Variants in TIAM2 observed in about 807,000 individuals in gnomAD.
TIAM2 encodes the protein rho guanine nucleotide exchange factor TIAM2.
In TIAM2, 80 loss-of-function variants were observed where a neutral mutation model predicts 152.9. That is an observed-to-expected ratio of 0.52 (90% CI 0.44 to 0.63). The LOEUF is 0.63. Among genes scored for constraint, TIAM2 ranks in the 30% least tolerant of loss-of-function variants. The pLI, the probability that TIAM2 is intolerant of heterozygous loss-of-function variation, is 0.00. For synonymous variants in TIAM2, 804 were observed against 838.0 expected (o/e 0.96, Z 0.70); for missense variants, 1,965 against 2,120.1 (o/e 0.93, Z 1.44).
chr6:155,056,598 C>T (rs1321575423), intron 1 of TIAM2, among the ~76,000 whole-genome samples: 2 of 149,814 alleles, frequency 1.3e-5, no homozygotes, highest in African/African-American at 2.5e-5. Flanking sequence ...TATAATGATA[C>T]CATTCATTTA....
chr6:155,117,458 CT>C (rs942076903), intron 2 of TIAM2, among the ~76,000 whole-genome samples: 11 of 152,166 alleles, frequency 7.2e-5, no homozygotes, highest in African/African-American at 2.7e-4. Flanking sequence ...TCTCTTCCCC[CT>C]GTAGACGGAG....
At chr6:155,169,462 T>C (rs1780524792) in intron 9 of TIAM2, among the ~76,000 whole-genome samples, 1 of 152,246 alleles carries the variant, frequency 6.6e-6, no homozygotes, top group Admixed American at 6.5e-5. Context: ...TTAAAATTAG[T>C]GACATGACTA....
intron 7 of TIAM2, among the ~76,000 whole-genome samples, chr6:155,149,739 G>A (rs1257147138): frequency 1.3e-5 from 2 of 151,812 alleles, no homozygotes; most frequent in East Asian, 3.9e-4. Context: ...CCTGGCCAAC[G>A]TGGTGAAACC....
At chr6:155,193,712 T>C (rs1181285384) in intron 14 of TIAM2, among the ~76,000 whole-genome samples, 1 of 152,210 alleles carries the variant, frequency 6.6e-6, no homozygotes, top group African/African-American at 2.4e-5. Flanking sequence ...CCTGAACATG[T>C]TCCAAGGGTG....
intron 4 of TIAM2, among the ~76,000 whole-genome samples, 171 bp downstream of exon 4, chr6:155,130,588 C>T (rs11967850): frequency 0.31 from 47,473 of 152,052 alleles, 9,023 homozygotes; most frequent in African/African-American, 0.53. Context: ...TGGGTTTGTT[C>T]TCTCTTTTGC....
At chr6:155,029,742 C>CTATATATATATATATA (rs60980296) in intron 1 of TIAM2, among the ~76,000 whole-genome samples, 2 of 126,584 alleles carry the variant, frequency 1.6e-5, no homozygotes, top group African/African-American at 6.1e-5. Context: ...TAGTATATAA[C>CTATATATATATATATA]TATATATATA....
chr6:155,170,861 T>C (rs1412195946), intron 9 of TIAM2, among the ~76,000 whole-genome samples: 1 of 152,178 alleles, frequency 6.6e-6, no homozygotes, highest in African/African-American at 2.4e-5. Context: ...ATTCCTTTCA[T>C]TTATAGGACA....
rs1347776058 is a variant in TIAM2, at chr6:155,130,320, T to A, written c.1097T>A (p.Phe366Tyr). The A allele has an allele frequency of 6.2e-7, 1 of 1,614,038 alleles. No homozygotes were observed. Residue 366 changes from phenylalanine to tyrosine, a missense_variant, in exon 4 of 27, where the codon TTT becomes TAT. Transcript: ENST00000682666. ...FTLPCRKPKA[F>Y]VEDTAKKDSL... is the part of the protein sequence containing the mutation. ...CTCCCCTGTCGGAAGCCCAAAGCCT[T>A]TGTTGAGGATACTGCGAAGAAGGAC...
chr6:155,130,983 G>C lies in TIAM2; in HGVS notation c.1194+566G>C, dbSNP rs1003229922. ...AGGCCTCAACATGGATTTTGGGGAGGGGGGAAACAAATGTTCAGTCAATAG... is the reference window on the plus strand; with the variant it reads ...AGGCCTCAACATGGATTTTGGGGAGCGGGGAAACAAATGTTCAGTCAATAG... On this transcript the variant is annotated intron_variant, in intron 4 of 26. Transcript: ENST00000682666. 2.6e-5 allele frequency among the ~76,000 whole-genome samples: 4 copies of C among 152,144 alleles called. 1 individual carries two copies. The highest frequency in any genetic ancestry group is 2.6e-4 in the Admixed American group (4 of 15,258).
chr6:155,143,811 A>G (rs1297267522), intron 5 of TIAM2, among the ~76,000 whole-genome samples: 1 of 152,104 alleles, frequency 6.6e-6, no homozygotes, highest in Non-Finnish European at 1.5e-5. Flanking sequence ...TCGATCTCTC[A>G]GTTTTCTCAT....
intron 1 of TIAM2, among the ~76,000 whole-genome samples, chr6:155,062,064 T>C (rs11156008): frequency 0.57 from 83,190 of 145,520 alleles, 24,327 homozygotes; most frequent in African/African-American, 0.69. Flanking sequence ...TGGCTTACCC[T>C]CGCCACCGCC....
rs576164409 is a variant in TIAM2, at chr6:155,025,338, C to T, written c.-209+29846C>T. 3.5e-4 allele frequency among the ~76,000 whole-genome samples: 53 copies of T among 152,138 alleles called. No homozygotes were observed. In the Middle Eastern group the frequency reaches 0.01, roughly 29 times the overall value. On this transcript the variant is annotated intron_variant, in intron 1 of 26. Transcript: ENST00000682666. ...CCTCCTGAGTAGCTGGGACTACAGG[C>T]GCCTGCCACCACGCCCGGCTAATTT...
rs1784084256 is a variant in TIAM2 at position 155,256,899 on chromosome 6, C to T, written c.4884C>T (p.Val1628=). ...AAGGAGGAGAGCAGCCCAAACTGGT[C>T]CGGGGGCACTTCTGCCCCATTAAAC... is the stretch of plus-strand genomic sequence containing the variant. ...GQKGGEQPKL[V]RGHFCPIKRK... is the part of the protein sequence containing the mutation. The change falls in exon 27 of 27, where the codon GTC becomes GTT. Residue 1628 remains valine (V), a synonymous_variant. Transcript: ENST00000682666. 3 of 1,614,074 alleles carry T rather than the reference C, an allele frequency of 1.9e-6. No individual in the cohort carries two copies.
chr6:155,069,911 C>CTTTTTTTT (rs36093906), intron 1 of TIAM2, among the ~76,000 whole-genome samples: 1 of 125,650 alleles, frequency 8.0e-6, no homozygotes, highest in Non-Finnish European at 1.7e-5. Context: ...CATTTCTTTT[C>CTTTTTTTT]TTTTTTTTTT....
In TIAM2 at chr6:155,027,867, CTA is replaced by C. The variant is rs199656860; in HGVS notation, c.-209+32380_-209+32381del. On this transcript the variant is annotated intron_variant, in intron 1 of 26. Transcript: ENST00000682666. ...TATAATATATGTACTGTGTTATATACTATATAATATATGTACTGTGTTACATA... is the reference window on the plus strand; with the variant it reads ...TATAATATATGTACTGTGTTATATACTATAATATATGTACTGTGTTACATA... 3.5e-5 allele frequency among the ~76,000 whole-genome samples: 3 copies of C among 86,408 alleles called. No individual in the cohort carries two copies. The East Asian group carries it at 8.3e-4, about 24-fold the overall frequency. The allele number at this position is 86,408 out of a possible 152,430, so 56.7% of individuals were successfully genotyped here.
intron 1 of TIAM2, among the ~76,000 whole-genome samples, chr6:155,071,168 AG>A (rs1443257937): frequency 1.6e-5 from 2 of 127,012 alleles, no homozygotes; most frequent in Non-Finnish European, 3.4e-5. Context: ...AATGAGACTC[AG>A]TGTCAAAAAA....
Position 155,183,464 on chromosome 6 carries a change from G to A in TIAM2, c.3028G>A (p.Glu1010Lys). ...TCCTAACCAGTCCCAACTGCTGGAG[G>A]AATTCCTGGATAACTTTAAAAAGAA... is the stretch of plus-strand genomic sequence containing the variant. ...PPPNQSQLLE[E>K]FLDNFKKNTA... Residue 1010 changes from glutamate (E) to lysine (K), a missense_variant, in exon 14 of 27, where the codon GAA becomes AAA. Transcript: ENST00000682666. 2.5e-6 allele frequency: 4 copies of A among 1,613,604 alleles called. No individual in the cohort carries two copies. Among genetic ancestry groups the A allele is most frequent in the South Asian group, 2.2e-5 (2 of 90,988 alleles).
chr6:155,096,981 G>T (rs1053509614), intron 2 of TIAM2, among the ~76,000 whole-genome samples: 1 of 152,146 alleles, frequency 6.6e-6, no homozygotes, highest in Admixed American at 6.5e-5. Context: ...GTGTACAAGG[G>T]TTTCCCTTTC....
At chr6:155,222,097 G>A (rs1782065891) in intron 15 of TIAM2, among the ~76,000 whole-genome samples, 1 of 151,904 alleles carries the variant, frequency 6.6e-6, no homozygotes, top group South Asian at 2.1e-4. Flanking sequence ...GGGACCACAG[G>A]TGCACGCCAC....
Sources: gnomAD v4.1 joint callset for allele counts (sites outside exome capture counted in the v4.1 genomes callset) on GRCh38, gnomAD v4.1.1 for gene constraint, MANE v1.5 for transcripts, NCBI Gene and HGNC (gene_info 2026-07-23, HGNC 2026-07-21) for gene names.